The following DLGAP4 variants were observed in gnomAD, a reference collection of about 807,000 sequenced individuals.
DLGAP4 encodes the protein DLG associated protein 4.
In DLGAP4, 18 loss-of-function variants were observed where a neutral mutation model predicts 86.9. That is an observed-to-expected ratio of 0.21 (90% CI 0.14 to 0.31). DLGAP4 has a LOEUF of 0.31. Among genes scored for constraint, DLGAP4 ranks in the 10% least tolerant of loss-of-function variants. The pLI is 1.00. For missense variants in DLGAP4, 1,085 were observed against 1,362.6 expected, an observed-to-expected ratio of 0.80 and a Z score of 3.21; for synonymous variants, 548 against 574.3, an observed-to-expected ratio of 0.95 and a Z score of 0.65.
chr20:36,481,018 A>G (rs2035162020), intron 7 of DLGAP4, among the ~76,000 whole-genome samples: 1 of 152,158 alleles, frequency 6.6e-6, no homozygotes, highest in East Asian at 1.9e-4. Context: ...AAAATGTTGA[A>G]CTATGAATGT....
intron 1 of DLGAP4, among the ~76,000 whole-genome samples, chr20:36,365,771 C>A (rs1419645253): frequency 6.6e-6 from 1 of 152,196 alleles, no homozygotes; most frequent in Non-Finnish European, 1.5e-5. Context: ...CCTGAGATAG[C>A]AAGGGGAGAA....
intron 10 of DLGAP4, among the ~76,000 whole-genome samples, chr20:36,502,080 A>T (rs914508658): frequency 6.6e-5 from 10 of 152,264 alleles, no homozygotes; most frequent in South Asian, 2.1e-4. Flanking sequence ...ATTAATCATC[A>T]TTTCTATTAA....
chr20:36,491,803 G>C (rs1267871192), intron 7 of DLGAP4, among the ~76,000 whole-genome samples: 4 of 152,126 alleles, frequency 2.6e-5, no homozygotes, highest in African/African-American at 7.2e-5. Context: ...GGCAACTGAG[G>C]GTTTTTGTAG....
chr20:36,498,303 T>C (rs1310763436), intron 8 of DLGAP4: 1 of 152,240 alleles, frequency 6.6e-6, no homozygotes, highest in East Asian at 1.9e-4. Context: ...GCTTCTTAAG[T>C]GTCCAGTCCC....
chr20:36,426,828 A>G (rs2032986713), intron 2 of DLGAP4, among the ~76,000 whole-genome samples: 1 of 152,130 alleles, frequency 6.6e-6, no homozygotes, highest in African/African-American at 2.4e-5. Flanking sequence ...AGCTGGGAAA[A>G]GGGGAAAATA....
At chr20:36,423,081 C>T (rs917648792) in intron 2 of DLGAP4, among the ~76,000 whole-genome samples, 2 of 152,106 alleles carry the variant, frequency 1.3e-5, no homozygotes, top group African/African-American at 4.8e-5. Flanking sequence ...TCATTCAAGC[C>T]CCCCATTGCC....
At chr20:36,368,504 A>G (rs1422700684) in intron 2 of DLGAP4, among the ~76,000 whole-genome samples, 1 of 152,234 alleles carries the variant, frequency 6.6e-6, no homozygotes, top group African/African-American at 2.4e-5. Flanking sequence ...CGCCAGCCTT[A>G]TTATGACTAA....
At chr20:36,373,702 T>C (rs2147428431) in intron 2 of DLGAP4, among the ~76,000 whole-genome samples, 1 of 152,218 alleles carries the variant, frequency 6.6e-6, no homozygotes, top group East Asian at 1.9e-4. Context: ...CCAAGATGCA[T>C]GGTTTTCAAA....
chr20:36,383,034 A>G (rs1263331602), intron 2 of DLGAP4, among the ~76,000 whole-genome samples: 2 of 152,140 alleles, frequency 1.3e-5, no homozygotes, highest in Non-Finnish European at 2.9e-5. Flanking sequence ...TGGTCACACC[A>G]TCTTAATGCA....
chr20:36,527,126 T>C lies in DLGAP4; in HGVS notation c.*95T>C. The C allele has an allele frequency of 7.4e-7, 1 of 1,347,120 alleles. No individual in the cohort carries two copies. Among genetic ancestry groups the C allele is most frequent in the Non-Finnish European group, 1.0e-6 (1 of 1,002,050 alleles). 83.4% of individuals were successfully genotyped at this position (1,347,120 alleles called of 1,614,324 possible). On this transcript the variant is annotated 3_prime_UTR_variant, in exon 13 of 13. Transcript: ENST00000339266. ...GTTTTCTCAACCTTTGCTATGGTTA[T>C]TCTGTCTAGAGACCCTGAGCCAACT...
At chr20:36,427,835 A>G (rs547940441) in intron 2 of DLGAP4, among the ~76,000 whole-genome samples, 1 of 151,590 alleles carries the variant, frequency 6.6e-6, no homozygotes, top group East Asian at 2.0e-4. Flanking sequence ...CCCGGCTACT[A>G]GTTAGGCTGA....
At chr20:36,354,794 T>C (rs1454242773) in intron 1 of DLGAP4, among the ~76,000 whole-genome samples, 4 of 151,858 alleles carry the variant, frequency 2.6e-5, no homozygotes, top group African/African-American at 9.7e-5. Flanking sequence ...AGAAAAAAAT[T>C]GGCCAGGCGT....
chr20:36,478,097 A>G (rs948654478), intron 7 of DLGAP4, among the ~76,000 whole-genome samples: 3 of 152,206 alleles, frequency 2.0e-5, no homozygotes, highest in African/African-American at 7.2e-5. Flanking sequence ...AATAAAGACA[A>G]TAATTCTGTG....
At chr20:36,462,353 C>G (rs970817488) in intron 7 of DLGAP4, 15 of 1,375,468 alleles carry the variant, frequency 1.1e-5, no homozygotes, top group African/African-American at 4.6e-5. Flanking sequence ...CTCTCCCTGC[C>G]CCTCTGTGCC....
At chr20:36,313,036 C>T (rs1439914186) in intron 1 of DLGAP4, among the ~76,000 whole-genome samples, 19 of 152,222 alleles carry the variant, frequency 1.2e-4, no homozygotes, top group African/African-American at 4.6e-4. Context: ...TCTGTGACTT[C>T]AGGGATGAAA....
At chr20:36,433,738 G>A (rs1302720574) in intron 3 of DLGAP4, among the ~76,000 whole-genome samples, 1 of 151,418 alleles carries the variant, frequency 6.6e-6, no homozygotes, top group African/African-American at 2.4e-5. Flanking sequence ...TGCAACCTCC[G>A]CCCCCCGGGT....
chr20:36,505,635 GC>G (rs1478111004), intron 10 of DLGAP4, among the ~76,000 whole-genome samples: 1 of 152,108 alleles, frequency 6.6e-6, no homozygotes, highest in African/African-American at 2.4e-5. Context: ...AATTAGCCAG[GC>G]ATGATGGCAT....
intron 1 of DLGAP4, among the ~76,000 whole-genome samples, chr20:36,345,749 T>A (rs1555892878): frequency 6.6e-6 from 1 of 151,984 alleles, no homozygotes; most frequent in African/African-American, 2.4e-5. Flanking sequence ...GGCTGCCTCC[T>A]CCTGATCCTA....
At chr20:36,476,276 A>T (rs552404779) in intron 7 of DLGAP4, among the ~76,000 whole-genome samples, 7 of 146,930 alleles carry the variant, frequency 4.8e-5, no homozygotes, top group African/African-American at 1.8e-4. Flanking sequence ...CCTATTAAAC[A>T]CTAACTCCCC....
Sources: gnomAD v4.1 joint callset for allele counts (sites outside exome capture counted in the v4.1 genomes callset) on GRCh38, gnomAD v4.1.1 for gene constraint, MANE v1.5 for transcripts, NCBI Gene and HGNC (gene_info 2026-07-23, HGNC 2026-07-21) for gene names.